The following RXRG variants were observed in gnomAD, a reference collection of about 807,000 sequenced individuals.
RXRG encodes retinoic acid receptor RXR-gamma.
A neutral mutation model predicts 49.2 loss-of-function variants in RXRG; 19 were observed. The observed-to-expected ratio is 0.39, with a 90% CI of 0.27 to 0.57. The LOEUF (loss-of-function observed/expected upper bound fraction) is 0.57. Ranked by LOEUF, RXRG falls within the 20% of genes least tolerant of loss-of-function variation. The pLI is 0.64. For synonymous variants in RXRG, 224 were observed against 216.6 expected (o/e 1.03, Z -0.30); for missense variants, 452 against 592.5 (o/e 0.76, Z 2.46).
intron 1 of RXRG, among the ~76,000 whole-genome samples, chr1:165,429,443 A>G (rs919602913): frequency 1.3e-5 from 2 of 152,204 alleles, no homozygotes; most frequent in Non-Finnish European, 2.9e-5. Flanking sequence ...ATTTATATGC[A>G]ACAAACATTT....
intron 2 of RXRG, among the ~76,000 whole-genome samples, chr1:165,425,829 G>A (rs1187664952): frequency 6.6e-6 from 1 of 152,238 alleles, no homozygotes; most frequent in African/African-American, 2.4e-5. Flanking sequence ...AAGTGCAATG[G>A]ATCTGCATAA....
At chr1:165,429,105 G>A in intron 1 of RXRG, 139 bp from the exon 2 acceptor site, 1 of 873,198 alleles carries the variant, frequency 1.1e-6, no homozygotes, top group Non-Finnish European at 1.7e-6. Flanking sequence ...AGCCCTAGGT[G>A]CTCTCACCTA....
At chr1:165,433,028 TATAAG>T (rs1461128789) in intron 1 of RXRG, among the ~76,000 whole-genome samples, 1 of 152,134 alleles carries the variant, frequency 6.6e-6, no homozygotes, top group African/African-American at 2.4e-5. Flanking sequence ...TTAATGCACT[TATAAG>T]AGAGGACTTC....
intron 4 of RXRG, among the ~76,000 whole-genome samples, chr1:165,412,693 C>G (rs374858519): frequency 6.6e-6 from 1 of 152,130 alleles, no homozygotes; most frequent in Non-Finnish European, 1.5e-5. Context: ...TTCCTCTTGC[C>G]TTTGGTGTCT....
intron 2 of RXRG, among the ~76,000 whole-genome samples, chr1:165,427,115 C>T (rs1174265021): frequency 3.9e-5 from 6 of 152,216 alleles, no homozygotes; most frequent in African/African-American, 1.4e-4. Flanking sequence ...AACACCCTCT[C>T]AGAAACACCC....
At chr1:165,426,538 T>G (rs1027061895) in intron 2 of RXRG, among the ~76,000 whole-genome samples, 18 of 152,150 alleles carry the variant, frequency 1.2e-4, no homozygotes, top group Non-Finnish European at 2.5e-4. Flanking sequence ...ATGCTATAAC[T>G]CCACATGAAT....
At chr1:165,439,121 C>T (rs533413228) in intron 1 of RXRG, among the ~76,000 whole-genome samples, 8 of 152,084 alleles carry the variant, frequency 5.3e-5, no homozygotes, top group Non-Finnish European at 7.4e-5. Flanking sequence ...CAACTTGTCA[C>T]GAATTTAGAC....
chr1:165,437,238 G>A (rs765024111), intron 1 of RXRG: 1 of 1,365,818 alleles, frequency 7.3e-7, no homozygotes, highest in South Asian at 1.1e-5. Flanking sequence ...CAGTCAGCCA[G>A]CACGCCTGGC....
intron 8 of RXRG, 144 bp from the exon 9 acceptor site, chr1:165,407,061 C>A: frequency 1.7e-6 from 1 of 593,228 alleles, no homozygotes; most frequent in Non-Finnish European, 3.0e-6. Flanking sequence ...TCATTCATGC[C>A]CCCTTGCTCT....
intron 4 of RXRG, among the ~76,000 whole-genome samples, chr1:165,416,138 C>T (rs190440689): frequency 6.6e-6 from 1 of 152,258 alleles, no homozygotes; most frequent in Non-Finnish European, 1.5e-5. Flanking sequence ...AAAAGAAGTT[C>T]CTCAAGAATG....
intron 1 of RXRG, among the ~76,000 whole-genome samples, chr1:165,437,849 G>A (rs1658863207): frequency 6.6e-6 from 1 of 152,208 alleles, no homozygotes; most frequent in Non-Finnish European, 1.5e-5. Flanking sequence ...ATATCCATCT[G>A]TACTAGCAAG....
chr1:165,401,466 C>A, intron 9 of RXRG, 56 bp from the exon 10 acceptor site: 3 of 1,600,634 alleles, frequency 1.9e-6, no homozygotes, highest in Non-Finnish European at 1.7e-6. Flanking sequence ...TGCACACCTG[C>A]ACCTGCTGGC....
chr1:165,434,781 T>C (rs1658777718), intron 1 of RXRG, among the ~76,000 whole-genome samples: 1 of 152,198 alleles, frequency 6.6e-6, no homozygotes, highest in African/African-American at 2.4e-5. Flanking sequence ...CCAACAATGA[T>C]AGGATTCTCA....
intron 2 of RXRG, among the ~76,000 whole-genome samples, chr1:165,421,689 T>G (rs1340441765): frequency 6.6e-6 from 1 of 152,010 alleles, no homozygotes; most frequent in Non-Finnish European, 1.5e-5. Flanking sequence ...GCCACGACAC[T>G]TAGCTAACTT....
In RXRG at chr1:165,444,929, CTTCTAAATA is replaced by C. The variant is rs766714218; in HGVS notation, c.-45_-37del. Reference sequence around the variant, plus strand: ...CAGTTCATGTTCCTCTCCTGTGCAGCTTCTAAATATTACCGCCTCTCTCGGCTCCCAGGC... The same window carrying C: ...CAGTTCATGTTCCTCTCCTGTGCAGCTTACCGCCTCTCTCGGCTCCCAGGC... On this transcript the variant is annotated 5_prime_UTR_variant, in exon 1 of 10. Transcript: ENST00000359842. The C allele has an allele frequency of 2.5e-6, 4 of 1,601,506 alleles. No homozygotes were observed. The highest frequency in any genetic ancestry group is 3.4e-6 in the Non-Finnish European group (4 of 1,168,834).
At chr1:165,431,403 G>C (rs959344973) in intron 1 of RXRG, among the ~76,000 whole-genome samples, 1 of 152,224 alleles carries the variant, frequency 6.6e-6, no homozygotes, top group African/African-American at 2.4e-5. Context: ...GGCCCTGGGG[G>C]CTGTGACATT....
intron 1 of RXRG, among the ~76,000 whole-genome samples, chr1:165,432,654 C>G (rs964548910): frequency 6.6e-6 from 1 of 152,178 alleles, no homozygotes; most frequent in Non-Finnish European, 1.5e-5. Flanking sequence ...TTCCAGATAC[C>G]TGATTATATC....
chr1:165,406,990 C>CCT, intron 8 of RXRG, 73 bp from the exon 9 acceptor site: 2 of 1,063,878 alleles, frequency 1.9e-6, no homozygotes, highest in South Asian at 1.3e-5. Context: ...TCTCTGGCCA[C>CCT]TCTCTGTAGA....
chr1:165,408,383 G>A, intron 7 of RXRG, 65 bp from the exon 8 acceptor site: 1 of 1,178,370 alleles, frequency 8.5e-7, no homozygotes, highest in Non-Finnish European at 1.3e-6. Context: ...CCAATAAAAT[G>A]AATTCAACCA....
Sources: allele counts gnomAD v4.1 joint callset (sites outside exome capture counted in the v4.1 genomes callset), GRCh38; gene constraint gnomAD v4.1.1; transcripts MANE v1.5; gene names NCBI Gene and HGNC (gene_info 2026-07-23, HGNC 2026-07-21).